RGS7BP: variants seen among roughly 807,000 people sequenced by gnomAD.
The protein encoded by RGS7BP is regulator of G protein signaling 7-binding protein.
Under a neutral mutation model 31.3 loss-of-function variants are expected in RGS7BP, and 9 were observed. The ratio of observed to expected loss-of-function variants is 0.29; its 90% CI spans 0.17 to 0.50. RGS7BP has a LOEUF of 0.50. RGS7BP is among the 20% of genes least tolerant of loss of function. The pLI is 0.98. For synonymous variants in RGS7BP, 115 were observed against 120.1 expected, an observed-to-expected ratio of 0.96 and a Z score of 0.28; for missense variants, 274 against 322.0, an observed-to-expected ratio of 0.85 and a Z score of 1.14.
chr5:64,523,148 AGT>A (rs1203985630), intron 2 of RGS7BP, among the ~76,000 whole-genome samples: 2 of 152,206 alleles, frequency 1.3e-5, no homozygotes, highest in East Asian at 3.9e-4. Flanking sequence ...GATTGGAGGG[AGT>A]GTGCATTTCA....
At chr5:64,527,418 A>G (rs1214386190) in intron 2 of RGS7BP, among the ~76,000 whole-genome samples, 1 of 152,162 alleles carries the variant, frequency 6.6e-6, no homozygotes, top group Non-Finnish European at 1.5e-5. Context: ...AGGGATTGAG[A>G]ACTACTGGTA....
At position 64,611,875 on chromosome 5, in the gene RGS7BP, G is replaced by A. The variant is rs1484909225; in HGVS notation, c.*2623G>A. On this transcript the variant is annotated 3_prime_UTR_variant, in exon 6 of 6. Coordinates refer to ENST00000334025, the MANE Select transcript of RGS7BP (RefSeq NM_001029875.3). The stretch of plus-strand genomic sequence containing the variant: ...CTACCAAAGGATTTTCTCAGGTGTG[G>A]TTCCAAGCGATAAAGTTCTACTGTC... 6.6e-6 allele frequency: 1 copy of A among 151,824 alleles called. No individual in the cohort carries two copies. The highest frequency in any genetic ancestry group is 2.4e-5 in the African/African-American group (1 of 41,356). 9.4% of individuals were successfully genotyped at this position (151,824 alleles called of 1,614,324 possible). A position where few individuals can be genotyped will look rare whatever the true frequency, so the allele number is the denominator to read the frequency against.
chr5:64,539,693 T>C (rs1041633208), intron 2 of RGS7BP: 1 of 152,174 alleles, frequency 6.6e-6, no homozygotes, highest in Non-Finnish European at 1.5e-5. Context: ...CAGCCTAGGT[T>C]GTAAATGGAG....
chr5:64,548,542 C>T (rs2111829569), intron 2 of RGS7BP, among the ~76,000 whole-genome samples: 1 of 152,252 alleles, frequency 6.6e-6, no homozygotes, highest in East Asian at 1.9e-4. Context: ...TGGAGTCTCG[C>T]TCTGTCACCC....
chr5:64,601,737 C>G (rs866191274), intron 5 of RGS7BP, among the ~76,000 whole-genome samples: 1 of 152,218 alleles, frequency 6.6e-6, no homozygotes, highest in African/African-American at 2.4e-5. Flanking sequence ...ATGATAGTCT[C>G]GCTGTGTCAA....
intron 2 of RGS7BP, among the ~76,000 whole-genome samples, chr5:64,571,446 A>G (rs1418742346): frequency 1.3e-5 from 2 of 152,128 alleles, no homozygotes; most frequent in African/African-American, 4.8e-5. Flanking sequence ...TAGAAATGGA[A>G]TCCAGGTCAT....
chr5:64,560,494 T>C (rs1223108233), intron 2 of RGS7BP, among the ~76,000 whole-genome samples: 1 of 151,734 alleles, frequency 6.6e-6, no homozygotes, highest in East Asian at 1.9e-4. Context: ...ACTCCTTTCC[T>C]AATTTCTATT....
intron 2 of RGS7BP, among the ~76,000 whole-genome samples, chr5:64,522,787 A>G (rs1023859627): frequency 1.8e-4 from 28 of 152,216 alleles, no homozygotes; most frequent in African/African-American, 6.5e-4. Context: ...AGGTTATTGC[A>G]CAGCGCCATT....
chr5:64,526,129 G>A (rs1467553947), intron 2 of RGS7BP, among the ~76,000 whole-genome samples: 2 of 152,140 alleles, frequency 1.3e-5, no homozygotes, highest in Admixed American at 1.3e-4. Flanking sequence ...CCAGAGAGAC[G>A]AGAGCCAGAT....
chr5:64,525,904 T>C (rs1580396427), intron 2 of RGS7BP, among the ~76,000 whole-genome samples: 2 of 152,190 alleles, frequency 1.3e-5, no homozygotes, highest in African/African-American at 4.8e-5. Context: ...TATACAGACC[T>C]GAAGCATCCA....
intron 2 of RGS7BP, among the ~76,000 whole-genome samples, chr5:64,534,593 T>C (rs1026913363): frequency 6.6e-6 from 1 of 152,098 alleles, no homozygotes; most frequent in Non-Finnish European, 1.5e-5. Flanking sequence ...GAGTAACTGA[T>C]TTGATGGTGG....
intron 2 of RGS7BP, among the ~76,000 whole-genome samples, chr5:64,555,762 A>T (rs1580427075): frequency 6.6e-6 from 1 of 152,310 alleles, no homozygotes; most frequent in East Asian, 1.9e-4. Context: ...CACATTGTAA[A>T]TTAACAAAAT....
rs146410041 is a variant in RGS7BP at position 64,612,124 on chromosome 5, G to A, written c.*2872G>A. ...TACAAAGACAATACATGTTCTTTGTGGGAAATCTGAAAAATACTACCAAAT... is the reference window on the plus strand; with the variant it reads ...TACAAAGACAATACATGTTCTTTGTAGGAAATCTGAAAAATACTACCAAAT... On this transcript the variant is annotated 3_prime_UTR_variant, in exon 6 of 6. Transcript: ENST00000334025. 614 of 151,554 alleles carry A rather than the reference G, an allele frequency of 4.1e-3. 1 individual carries two copies. The highest frequency in any genetic ancestry group is 0.014 in the African/African-American group (592 of 41,198). 9.4% of individuals were successfully genotyped at this position (151,554 alleles called of 1,614,324 possible). A position where few individuals can be genotyped will look rare whatever the true frequency, so the allele number is the denominator to read the frequency against.
chr5:64,518,739 C>T (rs1749036246), intron 2 of RGS7BP, among the ~76,000 whole-genome samples: 1 of 151,948 alleles, frequency 6.6e-6, no homozygotes, highest in African/African-American at 2.4e-5. Flanking sequence ...AATTAAACAC[C>T]CAAAGTGGTA....
intron 5 of RGS7BP, among the ~76,000 whole-genome samples, chr5:64,603,173 A>C (rs1743265286): frequency 6.6e-6 from 1 of 152,188 alleles, no homozygotes; most frequent in Admixed American, 6.5e-5. Context: ...GAAATGCTTA[A>C]GATCTCACCT....
chr5:64,601,539 T>TC, intron 5 of RGS7BP: 3 of 594,454 alleles, frequency 5.0e-6, no homozygotes, highest in Non-Finnish European at 6.3e-6. Context: ...GTCCATCCAG[T>TC]TTAAGACTGG....
At chr5:64,592,277 T>A (rs1029862540) in intron 3 of RGS7BP, among the ~76,000 whole-genome samples, 1 of 152,142 alleles carries the variant, frequency 6.6e-6, no homozygotes, top group East Asian at 1.9e-4. Context: ...AGCCCTAAAC[T>A]GAGGGCCAAC....
chr5:64,535,767 G>A (rs958789162), intron 2 of RGS7BP, among the ~76,000 whole-genome samples: 2 of 152,170 alleles, frequency 1.3e-5, no homozygotes, highest in Non-Finnish European at 1.5e-5. Context: ...AGATTAAATG[G>A]TCCTGCCAAT....
intron 2 of RGS7BP, among the ~76,000 whole-genome samples, chr5:64,527,136 G>A (rs1266246914): frequency 1.3e-5 from 2 of 152,226 alleles, no homozygotes; most frequent in Admixed American, 6.5e-5. Context: ...TGTTTTGAGA[G>A]ACTGTATTAT....
Sources: gnomAD v4.1 joint callset for allele counts (sites outside exome capture counted in the v4.1 genomes callset) on GRCh38, gnomAD v4.1.1 for gene constraint, MANE v1.5 for transcripts, NCBI Gene and HGNC (gene_info 2026-07-23, HGNC 2026-07-21) for gene names.